The following THSD7A variants were observed in gnomAD, a reference collection of about 807,000 sequenced individuals.
THSD7A encodes thrombospondin type 1 domain containing 7A.
A neutral mutation model predicts 231.3 loss-of-function variants in THSD7A; 96 were observed. The ratio of observed to expected loss-of-function variants is 0.41; its 90% CI spans 0.35 to 0.49. The LOEUF (loss-of-function observed/expected upper bound fraction) is 0.49, where lower values mean the gene tolerates loss of function less well. THSD7A is among the 20% of genes least tolerant of loss of function. THSD7A has a pLI of 0.05. For missense variants in THSD7A, 2,290 were observed against 2,070.2 expected (o/e 1.11, Z -2.06); for synonymous variants, 940 against 743.3 (o/e 1.26, Z -4.30).
chr7:11,755,663 T>C (rs1279951921), intron 1 of THSD7A, among the ~76,000 whole-genome samples: 1 of 152,028 alleles, frequency 6.6e-6, no homozygotes, highest in East Asian at 1.9e-4. Flanking sequence ...TGGAAGTACC[T>C]CATGTTGAGC....
At chr7:11,616,010 A>C (rs1175919774) in intron 2 of THSD7A, among the ~76,000 whole-genome samples, 1 of 152,212 alleles carries the variant, frequency 6.6e-6, no homozygotes, top group East Asian at 1.9e-4. Flanking sequence ...GTAATTTTTA[A>C]AAACAATTAT....
At chr7:11,488,765 A>G (rs922379587) in intron 6 of THSD7A, among the ~76,000 whole-genome samples, 1 of 152,138 alleles carries the variant, frequency 6.6e-6, no homozygotes, top group East Asian at 1.9e-4. Context: ...CCTCACTAGA[A>G]CAAAGAAAAT....
chr7:11,501,842 C>T (rs944804585), intron 6 of THSD7A, among the ~76,000 whole-genome samples: 1 of 152,050 alleles, frequency 6.6e-6, no homozygotes, highest in African/African-American at 2.4e-5. Flanking sequence ...ATGAATCCAG[C>T]AGTTTGTTTT....
At chr7:11,535,749 G>A (rs1562694673) in intron 6 of THSD7A, among the ~76,000 whole-genome samples, 1 of 152,098 alleles carries the variant, frequency 6.6e-6, no homozygotes, top group Non-Finnish European at 1.5e-5. Flanking sequence ...GTGTTAAGAA[G>A]TAGATTCCAG....
intron 1 of THSD7A, among the ~76,000 whole-genome samples, chr7:11,803,147 T>C (rs1412673937): frequency 2.6e-5 from 4 of 152,154 alleles, no homozygotes; most frequent in Non-Finnish European, 5.9e-5. Context: ...AGGTGGGACT[T>C]TTTCAACAGG....
chr7:11,405,151 G>GCTT (rs1783540333), intron 22 of THSD7A, among the ~76,000 whole-genome samples: 1 of 72,342 alleles, frequency 1.4e-5, no homozygotes, highest in South Asian at 3.7e-4. Flanking sequence ...CATCTCAAAT[G>GCTT]ATTTTTTTTT....
At chr7:11,384,355 A>G (rs1376851829) in intron 23 of THSD7A, 1 of 151,594 alleles carries the variant, frequency 6.6e-6, no homozygotes, top group Non-Finnish European at 1.5e-5. Flanking sequence ...TCTACTGTGT[A>G]GAAGTTTTAA....
Position 11,372,438 on chromosome 7 carries a change from A to T in THSD7A, c.*3356T>A, listed in dbSNP as rs1782092243. On this transcript the variant is annotated 3_prime_UTR_variant, in exon 28 of 28. Coordinates refer to ENST00000423059, the MANE Select transcript of THSD7A (RefSeq NM_015204.3). The stretch of plus-strand genomic sequence containing the variant: ...TGCTTTGTTATAAGTAATTAAAAAC[A>T]AGCTTTTATGCACTCTTTTTAAATT... 6.6e-6 allele frequency: 1 copy of T among 152,026 alleles called. No individual in the cohort carries two copies. Among genetic ancestry groups the T allele is most frequent in the African/African-American group, 2.4e-5 (1 of 41,398 alleles). 9.4% of individuals were successfully genotyped at this position (152,026 alleles called of 1,614,324 possible).
At chr7:11,754,565 T>A (rs1051754903) in intron 1 of THSD7A, among the ~76,000 whole-genome samples, 6 of 152,128 alleles carry the variant, frequency 3.9e-5, no homozygotes, top group Non-Finnish European at 8.8e-5. Flanking sequence ...GCGCTTTTCT[T>A]AATGTACTTT....
At position 11,474,197 on chromosome 7, in the gene THSD7A, C is replaced by CA; in HGVS notation, c.2252+136dup. 1.4e-6 allele frequency: 1 copy of CA among 702,778 alleles called. No homozygotes were observed. Among genetic ancestry groups the CA allele is most frequent in the Non-Finnish European group, 2.3e-6 (1 of 439,874 alleles). The allele number at this position is 702,778 out of a possible 1,614,324, so 43.5% of individuals were successfully genotyped here. On this transcript the variant is annotated intron_variant, in intron 8 of 27. Transcript: ENST00000423059. This position sits in a 1 kb window ranked among gnomAD's most constrained non-coding sequence, Gnocchi z 4.1. The stretch of plus-strand genomic sequence containing the variant: ...TATAGCTTTATCAGTGGCTGACTTT[C>CA]AAAACAAACAAATCTTGCTCTTGAG...
chr7:11,389,791 C>T (rs1782910572), intron 23 of THSD7A, among the ~76,000 whole-genome samples: 1 of 151,960 alleles, frequency 6.6e-6, no homozygotes, highest in African/African-American at 2.4e-5. Context: ...TTCAGGAGCT[C>T]TGGTAAGGCA....
chr7:11,584,272 T>C (rs1001178615), intron 4 of THSD7A, among the ~76,000 whole-genome samples: 7 of 152,148 alleles, frequency 4.6e-5, no homozygotes, highest in African/African-American at 9.7e-5. Flanking sequence ...GGAAAAAATA[T>C]ATATGCAATT....
Position 11,753,605 on chromosome 7 carries a change from A to C in THSD7A, c.190+78152T>G, listed in dbSNP as rs576664745. 3.3e-5 allele frequency among the ~76,000 whole-genome samples: 5 copies of C among 150,192 alleles called. No individual in the cohort carries two copies. In the East Asian group the frequency reaches 9.9e-4, roughly 30 times the overall value. ...AGTGGCTGTAACTACTGCCCCTACC[A>C]TTGTTTCTGCTACAGCTGTCACTGT... On this transcript the variant is annotated intron_variant, in intron 1 of 27. Transcript: ENST00000423059.
At position 11,611,671 on chromosome 7, in the gene THSD7A, T is replaced by A. The variant is rs185308359; in HGVS notation, c.1023-18169A>T. 4.6e-3 allele frequency among the ~76,000 whole-genome samples: 701 copies of A among 151,948 alleles called. 7 individuals carry two copies. Among genetic ancestry groups the A allele is most frequent in the African/African-American group, 0.016 (654 of 41,472 alleles). ...ATTTATAAATTTAATAATATTATAA[T>A]TTACTAGGCTTTAAACTTTTTATAA... On this transcript the variant is annotated intron_variant, in intron 2 of 27. Transcript: ENST00000423059.
At chr7:11,426,860 T>C (rs190721876) in intron 14 of THSD7A, among the ~76,000 whole-genome samples, 189 bp from the exon 15 acceptor site, 22 of 152,268 alleles carry the variant, frequency 1.4e-4, no homozygotes, top group Non-Finnish European at 2.6e-4. Flanking sequence ...TACTTATTAA[T>C]GTTAAAAAGT....
intron 2 of THSD7A, among the ~76,000 whole-genome samples, chr7:11,616,868 G>C (rs548829471): frequency 1.3e-5 from 2 of 152,122 alleles, no homozygotes; most frequent in African/African-American, 4.8e-5. Flanking sequence ...TAACTGTGAG[G>C]CTGTTAATCC....
At chr7:11,564,875 G>C (rs1790238152) in intron 4 of THSD7A, among the ~76,000 whole-genome samples, 1 of 152,070 alleles carries the variant, frequency 6.6e-6, no homozygotes, top group African/African-American at 2.4e-5. Flanking sequence ...TGTAAGATAA[G>C]AACACTTAAA....
At position 11,636,627 on chromosome 7, in the gene THSD7A, C is replaced by G; in HGVS notation, c.525G>C (p.Glu175Asp). 1 of 1,614,016 alleles carries G rather than the reference C, an allele frequency of 6.2e-7. No homozygotes were observed. Among genetic ancestry groups the G allele is most frequent in the Non-Finnish European group, 8.5e-7 (1 of 1,179,906 alleles). Residue 175 changes from glutamate (E) to aspartate (D), a missense_variant, in exon 2 of 28, where the codon GAG (glutamate) becomes GAC (aspartate). Transcript: ENST00000423059. This position sits in a 1 kb window ranked among gnomAD's most constrained non-coding sequence, Gnocchi z 10.0. ...KDIPAEDIIC[E>D]YFEPKPLLEQ... is the part of the protein sequence containing the mutation. The stretch of plus-strand genomic sequence containing the variant: ...CCAGGAGAGGCTTGGGCTCAAAGTA[C>G]TCACAGATGATATCCTCCGCAGGAA...
At chr7:11,624,416 T>C (rs976171381) in intron 2 of THSD7A, among the ~76,000 whole-genome samples, 41 of 152,160 alleles carry the variant, frequency 2.7e-4, no homozygotes, top group African/African-American at 9.6e-4. Context: ...TTTTGCCACC[T>C]GCTCCTTTAA....
Sources: gnomAD v4.1 joint callset for allele counts (sites outside exome capture counted in the v4.1 genomes callset) on GRCh38, gnomAD v4.1.1 for gene constraint, Gnocchi (gnomAD v3.1) non-coding constraint, MANE v1.5 for transcripts, NCBI Gene and HGNC (gene_info 2026-07-23, HGNC 2026-07-21) for gene names.